TRPM3: variants seen among roughly 807,000 people sequenced by gnomAD.
TRPM3 encodes long transient receptor potential channel 3.
Under a neutral mutation model 181.2 loss-of-function variants are expected in TRPM3, and 77 were observed. The observed-to-expected ratio is 0.42, with a 90% CI of 0.35 to 0.51. The LOEUF (loss-of-function observed/expected upper bound fraction) is 0.51, where lower values mean the gene tolerates loss of function less well. Ranked by LOEUF, TRPM3 falls within the 20% of genes least tolerant of loss-of-function variation. TRPM3 has a pLI of 0.01. For synonymous variants in TRPM3, 745 were observed against 796.4 expected (o/e 0.94, Z 1.09); for missense variants, 1,759 against 2,196.7 (o/e 0.80, Z 3.98).
intron 1 of TRPM3, among the ~76,000 whole-genome samples, chr9:71,239,228 AG>A (rs1278235247): frequency 2.0e-5 from 3 of 152,228 alleles, no homozygotes; most frequent in Non-Finnish European, 4.4e-5. Context: ...CAAGTTTACT[AG>A]TACAATTTTT....
intron 1 of TRPM3, among the ~76,000 whole-genome samples, chr9:71,061,542 A>G (rs143356804): frequency 2.6e-4 from 39 of 152,202 alleles, no homozygotes; most frequent in Admixed American, 7.2e-4. Flanking sequence ...ATGGTTTGTG[A>G]TAAACACATG....
At chr9:71,294,490 A>C (rs932714029) in intron 1 of TRPM3, among the ~76,000 whole-genome samples, 1 of 152,098 alleles carries the variant, frequency 6.6e-6, no homozygotes, top group Admixed American at 6.5e-5. Context: ...ATTGAGGAGG[A>C]TATAAAGCTC....
intron 1 of TRPM3, among the ~76,000 whole-genome samples, chr9:71,229,003 T>C (rs566205363): frequency 6.6e-6 from 1 of 152,178 alleles, no homozygotes; most frequent in South Asian, 2.1e-4. Flanking sequence ...AGACTCAGAA[T>C]AGTCAAAGCT....
At chr9:71,401,009 C>T (rs1158357639) in intron 1 of TRPM3, among the ~76,000 whole-genome samples, 1 of 151,746 alleles carries the variant, frequency 6.6e-6, no homozygotes, top group African/African-American at 2.4e-5. Flanking sequence ...ACCAGCCTGG[C>T]CAACATGGCA....
At chr9:71,371,992 C>CA (rs2092530440) in intron 1 of TRPM3, among the ~76,000 whole-genome samples, 1 of 152,090 alleles carries the variant, frequency 6.6e-6, no homozygotes, top group Non-Finnish European at 1.5e-5. Flanking sequence ...ACATCCCCCC[C>CA]ACAGGTGCCC....
chr9:70,643,619 G>A (rs1564678127), intron 9 of TRPM3, among the ~76,000 whole-genome samples: 1 of 152,218 alleles, frequency 6.6e-6, no homozygotes, highest in African/African-American at 2.4e-5. Flanking sequence ...TGTAGTCACA[G>A]TGTTAGCATT....
In TRPM3 at chr9:71,153,673, T is replaced by C. The variant is rs182660021; in HGVS notation, c.184-289162A>G. 7.2e-4 allele frequency among the ~76,000 whole-genome samples: 109 copies of C among 152,216 alleles called. 1 individual carries two copies. Among genetic ancestry groups the C allele is most frequent in the Non-Finnish European group, 1.3e-4 (9 of 68,002 alleles). ...ACTCTACTTTTATCTCAGGATAATT[T>C]TGCAGCTGAGTCAAAGAGGGTCAGG... On this transcript the variant is annotated intron_variant, in intron 1 of 24. Coordinates refer to the TRPM3 transcript ENST00000357533.
At chr9:70,610,163 G>A (rs6560145) in intron 19 of TRPM3, among the ~76,000 whole-genome samples, 151,342 of 152,272 alleles carry the variant, frequency 0.99, 75,209 homozygotes, top group East Asian at 1. Context: ...GCACACACAC[G>A]CATGCATACA....
chr9:71,194,561 A>G (rs763075931), intron 1 of TRPM3, among the ~76,000 whole-genome samples: 1 of 151,910 alleles, frequency 6.6e-6, no homozygotes, highest in Admixed American at 6.6e-5. Flanking sequence ...AGATGGAAAG[A>G]CACTGGGTCC....
At chr9:70,890,356 T>A (rs1005378995) in intron 1 of TRPM3, among the ~76,000 whole-genome samples, 5 of 151,866 alleles carry the variant, frequency 3.3e-5, no homozygotes, top group Admixed American at 3.3e-4. Flanking sequence ...AGAGACTCAG[T>A]AATAAAGGTT....
chr9:70,754,786 GA>G (rs2076766986), intron 8 of TRPM3, among the ~76,000 whole-genome samples: 2 of 152,142 alleles, frequency 1.3e-5, no homozygotes, highest in Admixed American at 1.3e-4. Context: ...GGATACAAGA[GA>G]AAAGAGAAAC....
In TRPM3 at chr9:70,819,701, T is replaced by C. The variant is rs141729805; in HGVS notation, c.973+8146A>G. Among the ~76,000 whole-genome samples the C allele has an allele frequency of 9.7e-4, 148 of 152,346 alleles. 4 individuals carry two copies. The East Asian group carries it at 0.026, about 27-fold the overall frequency. ...GGTCTGCCATGGGGAAATAATCCCT[T>C]AGACTAGATTACATATGACATAGAT... On this transcript the variant is annotated intron_variant, in intron 6 of 25. Transcript: ENST00000677713.
chr9:71,205,109 T>C (rs1307557734), intron 1 of TRPM3, among the ~76,000 whole-genome samples: 2 of 152,006 alleles, frequency 1.3e-5, no homozygotes, highest in Admixed American at 6.6e-5. Context: ...ATATACCTAA[T>C]GTTAAATGAT....
intron 1 of TRPM3, among the ~76,000 whole-genome samples, chr9:71,349,573 G>T (rs1051289450): frequency 6.6e-6 from 1 of 152,034 alleles, no homozygotes; most frequent in South Asian, 2.1e-4. Context: ...ATATTTTAAC[G>T]GTGTACGTTT....
At chr9:71,152,286 G>A (rs566496918) in intron 1 of TRPM3, among the ~76,000 whole-genome samples, 1 of 152,240 alleles carries the variant, frequency 6.6e-6, no homozygotes, top group South Asian at 2.1e-4. Flanking sequence ...GAGGGTGTAT[G>A]TTATGTATTC....
exon 1 of TRPM3, chr9:71,446,831 C>A: frequency 6.5e-7 from 1 of 1,540,824 alleles, no homozygotes; most frequent in Non-Finnish European, 8.8e-7. Flanking sequence ...CCACTTCTTC[C>A]CCATGAGAAG....
At chr9:70,657,070 A>G (rs1354003710) in intron 9 of TRPM3, among the ~76,000 whole-genome samples, 1 of 151,934 alleles carries the variant, frequency 6.6e-6, no homozygotes, top group Non-Finnish European at 1.5e-5. Context: ...CAAGAATATC[A>G]TGAACAATCT....
chr9:70,557,457 T>C (rs975770705), intron 22 of TRPM3, among the ~76,000 whole-genome samples: 1 of 152,252 alleles, frequency 6.6e-6, no homozygotes, highest in South Asian at 2.1e-4. Flanking sequence ...TAATGGTTTC[T>C]AATGATGTCC....
chr9:71,443,624 C>A (rs1453187513), intron 1 of TRPM3, among the ~76,000 whole-genome samples: 1 of 152,130 alleles, frequency 6.6e-6, no homozygotes, highest in Admixed American at 6.5e-5. Context: ...AGAAATGCAA[C>A]TTTTGGGTTT....
Sources: gnomAD v4.1 joint callset for allele counts (sites outside exome capture counted in the v4.1 genomes callset) on GRCh38, gnomAD v4.1.1 for gene constraint, MANE v1.5 for transcripts, NCBI Gene and HGNC (gene_info 2026-07-23, HGNC 2026-07-21) for gene names.